KPNB1: variants seen among roughly 807,000 people sequenced by gnomAD.
KPNB1 encodes the protein importin subunit beta-1.
In KPNB1, 7 loss-of-function variants were observed where a neutral mutation model predicts 113.0. That is an observed-to-expected ratio of 0.06 (90% CI 0.04 to 0.12). The LOEUF (loss-of-function observed/expected upper bound fraction) is 0.12. Ranked by LOEUF, KPNB1 falls within the 10% of genes least tolerant of loss-of-function variation. The pLI, the probability that KPNB1 is intolerant of heterozygous loss-of-function variation, is 1.00. For missense variants in KPNB1, 400 were observed against 1,054.8 expected, an observed-to-expected ratio of 0.38 and a Z score of 8.60; for synonymous variants, 363 against 378.6, an observed-to-expected ratio of 0.96 and a Z score of 0.48.
chr17:47,654,371 C>T (rs1444582376), intron 3 of KPNB1, among the ~76,000 whole-genome samples: 9 of 147,552 alleles, frequency 6.1e-5, no homozygotes, highest in South Asian at 4.2e-4. Context: ...GCCAAGATTG[C>T]GCATTGCACT....
chr17:47,676,296 C>T, intron 15 of KPNB1, 113 bp from the exon 16 acceptor site: 1 of 766,836 alleles, frequency 1.3e-6, no homozygotes, highest in Non-Finnish European at 2.3e-6. Context: ...CACATTTCAC[C>T]CAACCTGTTG....
chr17:47,680,465 A>G, intron 20 of KPNB1, 43 bp from the exon 21 acceptor site: 1 of 1,606,772 alleles, frequency 6.2e-7, no homozygotes, highest in Non-Finnish European at 8.5e-7. Flanking sequence ...TTATACTGGT[A>G]TGGGGCTAGG....
chr17:47,669,214 T>TTCTCG, intron 10 of KPNB1, among the ~76,000 whole-genome samples: 1 of 152,174 alleles, frequency 6.6e-6, no homozygotes, highest in East Asian at 1.9e-4. Context: ...GCTTAAGCAA[T>TTCTCG]TCTCGTGCCT....
At chr17:47,680,754 G>A (rs2030747043) in intron 21 of KPNB1, 85 bp downstream of exon 21, 1 of 1,339,098 alleles carries the variant, frequency 7.5e-7, no homozygotes, top group South Asian at 1.4e-5. Flanking sequence ...GGCAAGCACT[G>A]CCTTCTGGCA....
At chr17:47,670,107 A>G (rs777019323) in intron 11 of KPNB1, among the ~76,000 whole-genome samples, 5 of 152,290 alleles carry the variant, frequency 3.3e-5, no homozygotes, top group African/African-American at 1.2e-4. Flanking sequence ...TGGGGAAACT[A>G]TCTGGACTTG....
chr17:47,658,359 A>T, intron 4 of KPNB1, 149 bp from the exon 5 acceptor site: 1 of 705,242 alleles, frequency 1.4e-6, no homozygotes, highest in Non-Finnish European at 2.3e-6. Flanking sequence ...AAAAAGGTGT[A>T]CATGCACCTT....
At chr17:47,662,806 C>T (rs891066311) in intron 6 of KPNB1, among the ~76,000 whole-genome samples, 3 of 151,994 alleles carry the variant, frequency 2.0e-5, no homozygotes, top group African/African-American at 7.2e-5. Flanking sequence ...TTGCTTGAAT[C>T]GGGGAGGCAG....
At chr17:47,678,595 TG>T (rs1247980630) in intron 19 of KPNB1, 182 bp downstream of exon 19, 4 of 578,296 alleles carry the variant, frequency 6.9e-6, no homozygotes, top group South Asian at 4.3e-5. Context: ...CTACTGTTTT[TG>T]CTCTGCTTCT....
At chr17:47,664,004 AG>A (rs2030190140) in intron 7 of KPNB1, among the ~76,000 whole-genome samples, 154 bp from the exon 8 acceptor site, 1 of 151,894 alleles carries the variant, frequency 6.6e-6, no homozygotes, top group Non-Finnish European at 1.5e-5. Flanking sequence ...AAAAAAGAAA[AG>A]AAAATCTTTC....
intron 16 of KPNB1, 63 bp downstream of exon 16, chr17:47,676,554 C>T: frequency 8.0e-7 from 1 of 1,248,094 alleles, no homozygotes; most frequent in Admixed American, 1.7e-5. Context: ...GTAGTGCACG[C>T]AAAACCAGGT....
intron 15 of KPNB1, among the ~76,000 whole-genome samples, chr17:47,675,361 G>GTGTTTTTTTTTTTT (rs2030566872): frequency 1.1e-5 from 1 of 88,692 alleles, no homozygotes. Context: ...CAGAGGTGTT[G>GTGTTTTTTTTTTTT]TTTTTTTTTT....
At chr17:47,662,054 C>G (rs2030114800) in intron 6 of KPNB1, 1 of 152,118 alleles carries the variant, frequency 6.6e-6, no homozygotes, top group African/African-American at 2.4e-5. Flanking sequence ...TATCTTCAGT[C>G]TGAATAGTAT....
chr17:47,671,223 C>T (rs1476234902), intron 12 of KPNB1, among the ~76,000 whole-genome samples: 1 of 152,162 alleles, frequency 6.6e-6, no homozygotes, highest in Non-Finnish European at 1.5e-5. Context: ...CGCCATTGCA[C>T]TCCAGCCTGG....
chr17:47,675,399 TG>T (rs1729642901), intron 15 of KPNB1, among the ~76,000 whole-genome samples: 2 of 139,544 alleles, frequency 1.4e-5, no homozygotes, highest in African/African-American at 5.5e-5. Context: ...GTTTTTTTTT[TG>T]AGACTTGTTC....
intron 21 of KPNB1, among the ~76,000 whole-genome samples, chr17:47,681,415 C>A (rs1567896494): frequency 6.6e-6 from 1 of 151,788 alleles, no homozygotes; most frequent in Non-Finnish European, 1.5e-5. Flanking sequence ...TTACAGGTGC[C>A]CTACCACCAC....
rs1226733243 is a variant in KPNB1 at position 47,685,170 on chromosome 17, C to T, written c.*2766C>T. 2 of 152,200 alleles carry T rather than the reference C, an allele frequency of 1.3e-5. No homozygotes were observed. The highest frequency in any genetic ancestry group is 2.9e-5 in the Non-Finnish European group (2 of 68,036). The allele number at this position is 152,200 out of a possible 1,614,324, so 9.4% of individuals were successfully genotyped here. ...TTTGTTGAAATGTTGGACTTGCTGTCAGAGGCAACTGTAATATTGCCTTAG... is the reference window on the plus strand; with the variant it reads ...TTTGTTGAAATGTTGGACTTGCTGTTAGAGGCAACTGTAATATTGCCTTAG... On this transcript the variant is annotated 3_prime_UTR_variant, in exon 22 of 22. Coordinates refer to ENST00000290158, the MANE Select transcript of KPNB1 (RefSeq NM_002265.6).
At chr17:47,662,740 G>A (rs527270643) in intron 6 of KPNB1, among the ~76,000 whole-genome samples, 1 of 152,008 alleles carries the variant, frequency 6.6e-6, no homozygotes, top group East Asian at 1.9e-4. Flanking sequence ...AAAATTAGCC[G>A]GGCATGGTGG....
At chr17:47,665,749 C>T (rs963007371) in intron 9 of KPNB1, among the ~76,000 whole-genome samples, 1 of 152,106 alleles carries the variant, frequency 6.6e-6, no homozygotes, top group Non-Finnish European at 1.5e-5. Context: ...TTATGAGGAC[C>T]GTGTCCTGGT....
rs986812546 is a variant in KPNB1 at position 47,685,134 on chromosome 17, C to T, written c.*2730C>T. On this transcript the variant is annotated 3_prime_UTR_variant, in exon 22 of 22. Transcript: ENST00000290158. ...TTGCTTTTCATTTTTCCCAGTTCTC[C>T]TCACCCCCCCTTTGTTGAAATGTTG... 6.6e-6 allele frequency: 1 copy of T among 152,112 alleles called. No homozygotes were observed. Among genetic ancestry groups the T allele is most frequent in the African/African-American group, 2.4e-5 (1 of 41,416 alleles). The allele number at this position is 152,112 out of a possible 1,614,324, so 9.4% of individuals were successfully genotyped here. A position where few individuals can be genotyped will look rare whatever the true frequency, so the allele number is the denominator to read the frequency against.
Sources: allele counts gnomAD v4.1 joint callset (sites outside exome capture counted in the v4.1 genomes callset), GRCh38; gene constraint gnomAD v4.1.1; transcripts MANE v1.5; gene names NCBI Gene and HGNC (gene_info 2026-07-23, HGNC 2026-07-21).